The following EIF3B variants were observed in gnomAD, a reference collection of about 807,000 sequenced individuals.
EIF3B encodes eukaryotic translation initiation factor 3 subunit B.
Under a neutral mutation model 104.6 loss-of-function variants are expected in EIF3B, and 10 were observed. That is an observed-to-expected ratio of 0.10 (90% CI 0.06 to 0.16). EIF3B has a LOEUF of 0.16. Ranked by LOEUF, EIF3B falls within the 10% of genes least tolerant of loss-of-function variation. The probability of loss-of-function intolerance (pLI) is 1.00; values close to 1 mark genes in which losing one functional copy is unlikely to be tolerated. For synonymous variants in EIF3B, 542 were observed against 417.2 expected (o/e 1.30, Z -3.65); for missense variants, 1,014 against 1,087.9 (o/e 0.93, Z 0.96).
At chr7:2,365,318 G>A (rs1436153842) in intron 6 of EIF3B, among the ~76,000 whole-genome samples, 1 of 152,188 alleles carries the variant, frequency 6.6e-6, no homozygotes, top group Non-Finnish European at 1.5e-5. Flanking sequence ...GGTTGTGGGA[G>A]GCAGTGTGAG....
intron 16 of EIF3B, 136 bp downstream of exon 16, chr7:2,378,902 G>A (rs1302678880): frequency 1.2e-6 from 1 of 837,060 alleles, no homozygotes; most frequent in East Asian, 2.7e-5. Flanking sequence ...CCCCCCAGGA[G>A]GGATGCACTG....
chr7:2,359,592 T>TTATTATATATTCAGAGGCAAAC (rs1779627627), intron 1 of EIF3B, among the ~76,000 whole-genome samples: 1 of 152,162 alleles, frequency 6.6e-6, no homozygotes, highest in African/African-American at 2.4e-5. Flanking sequence ...CAAACCTAGC[T>TTATTATATATTCAGAGGCAAAC]CTCTGAATTC....
chr7:2,355,498 C>T, intron 1 of EIF3B, 78 bp downstream of exon 1: 8 of 1,396,880 alleles, frequency 5.7e-6, no homozygotes, highest in Non-Finnish European at 7.4e-6. Flanking sequence ...TATCGTCGGG[C>T]TGTGCCACCG....
chr7:2,365,971 C>T (rs933106668), intron 6 of EIF3B, among the ~76,000 whole-genome samples: 2 of 152,186 alleles, frequency 1.3e-5, no homozygotes, highest in Non-Finnish European at 2.9e-5. Flanking sequence ...CAGGTGTGAG[C>T]CACTGCGCCC....
chr7:2,378,969 G>T, intron 16 of EIF3B, 165 bp from the exon 17 acceptor site: 2 of 748,442 alleles, frequency 2.7e-6, no homozygotes, highest in Non-Finnish European at 4.4e-6. Context: ...TGCCTTGTGG[G>T]TGGGGGGCAG....
At chr7:2,364,586 T>C in intron 6 of EIF3B, 57 bp downstream of exon 6, 1 of 1,474,216 alleles carries the variant, frequency 6.8e-7, no homozygotes, top group Non-Finnish European at 9.3e-7. Flanking sequence ...GCCAGCCTTC[T>C]ACAGGTGATC....
At chr7:2,371,479 G>T (rs1274055757) in intron 10 of EIF3B, among the ~76,000 whole-genome samples, 4 of 152,218 alleles carry the variant, frequency 2.6e-5, no homozygotes. Context: ...AGCCTGCAGT[G>T]TGGACCCTGG....
chr7:2,360,928 A>G (rs1376988839), intron 2 of EIF3B, 26 bp downstream of exon 2: 13 of 1,561,146 alleles, frequency 8.3e-6, no homozygotes, highest in East Asian at 2.3e-5. Flanking sequence ...TTGGAGAAGT[A>G]TCATCTGTGT....
At chr7:2,357,142 G>T (rs1583146495) in intron 1 of EIF3B, among the ~76,000 whole-genome samples, 1 of 152,322 alleles carries the variant, frequency 6.6e-6, no homozygotes, top group East Asian at 1.9e-4. Flanking sequence ...TTTTTAAAAA[G>T]CATTATTTGA....
intron 10 of EIF3B, among the ~76,000 whole-genome samples, chr7:2,370,374 G>A (rs1335993343): frequency 6.6e-6 from 1 of 152,050 alleles, no homozygotes; most frequent in Non-Finnish European, 1.5e-5. Flanking sequence ...CTACTCGGGA[G>A]GCTGAGGCAG....
chr7:2,360,786 C>T lies in EIF3B; in HGVS notation c.576C>T (p.Val192=), dbSNP rs757423281. 7.4e-6 allele frequency: 12 copies of T among 1,613,278 alleles called. No individual in the cohort carries two copies. Among genetic ancestry groups the T allele is most frequent in the Non-Finnish European group, 8.5e-7 (1 of 1,179,336 alleles). Reference sequence around the variant, plus strand: ...ATTCGGTGATTGTAGTGGACAATGTCCCTCAGGTGGGACCCGACCGACTTG... The same window carrying T: ...ATTCGGTGATTGTAGTGGACAATGTTCCTCAGGTGGGACCCGACCGACTTG... ...GIDSVIVVDN[V]PQVGPDRLEK... The change falls in exon 2 of 19, where the codon GTC becomes GTT. Residue 192 remains valine, a synonymous_variant. Coordinates refer to ENST00000360876, the MANE Select transcript of EIF3B (RefSeq NM_001037283.2).
chr7:2,378,789 G>A lies in EIF3B; in HGVS notation c.2232+23G>A, dbSNP rs768697753. On this transcript the variant is annotated intron_variant, in intron 16 of 18. Coordinates refer to ENST00000360876, the MANE Select transcript of EIF3B (RefSeq NM_001037283.2). ...AAGGTGAGCCTCATTCCCAAAATGA[G>A]GGCTGTGCTGTGACATCCGCCATCA... 6.2e-6 allele frequency: 10 copies of A among 1,603,146 alleles called. No individual in the cohort carries two copies. The South Asian group carries it at 9.9e-5, about 16-fold the overall frequency.
At chr7:2,375,698 A>T (rs897896886) in intron 14 of EIF3B, among the ~76,000 whole-genome samples, 171 bp downstream of exon 14, 3 of 152,110 alleles carry the variant, frequency 2.0e-5, no homozygotes, top group African/African-American at 7.2e-5. Context: ...GGGTTGTAGA[A>T]GAGGTGGCGC....
intron 18 of EIF3B, chr7:2,379,800 T>C: frequency 2.4e-6 from 1 of 415,200 alleles, no homozygotes. Context: ...TGGCCATGCC[T>C]GGCCATTTCC....
chr7:2,379,059 G>T (rs1421007569), intron 16 of EIF3B, 75 bp from the exon 17 acceptor site: 11 of 1,297,128 alleles, frequency 8.5e-6, no homozygotes, highest in Admixed American at 1.9e-5. Context: ...GGCACCGTCC[G>T]CCTGGGTGTG....
chr7:2,365,691 T>G (rs1779981929), intron 6 of EIF3B, among the ~76,000 whole-genome samples: 1 of 148,904 alleles, frequency 6.7e-6, no homozygotes, highest in Non-Finnish European at 1.5e-5. Flanking sequence ...TTTTTTTTTT[T>G]TTTGAAACTG....
At chr7:2,364,817 G>A (rs903186025) in intron 6 of EIF3B, among the ~76,000 whole-genome samples, 18 of 152,212 alleles carry the variant, frequency 1.2e-4, no homozygotes, top group African/African-American at 2.9e-4. Context: ...TGACCATAGT[G>A]TGGGTACTGA....
At chr7:2,361,952 C>CTTATTTAT (rs60402825) in intron 2 of EIF3B, among the ~76,000 whole-genome samples, 23,582 of 148,534 alleles carry the variant, frequency 0.16, 2,140 homozygotes, top group South Asian at 0.33. Flanking sequence ...TGCTTGCTTG[C>CTTATTTAT]TTATTTATTT....
chr7:2,359,566 C>G (rs1222919261), intron 1 of EIF3B, among the ~76,000 whole-genome samples: 1 of 152,152 alleles, frequency 6.6e-6, no homozygotes, highest in Non-Finnish European at 1.5e-5. Flanking sequence ...CTGTAACGTC[C>G]GTTATAATAA....
Sources: allele counts gnomAD v4.1 joint callset (sites outside exome capture counted in the v4.1 genomes callset), GRCh38; gene constraint gnomAD v4.1.1; transcripts MANE v1.5; gene names NCBI Gene and HGNC (gene_info 2026-07-23, HGNC 2026-07-21).